Variants in ASXL3 observed in about 807,000 individuals in gnomAD.
ASXL3 encodes putative Polycomb group protein ASXL3.
A neutral mutation model predicts 170.6 loss-of-function variants in ASXL3; 34 were observed. That is an observed-to-expected ratio of 0.20 (90% confidence interval 0.15 to 0.27). The LOEUF is 0.27. ASXL3 is among the 10% of genes least tolerant of loss of function. The pLI is 1.00. For missense variants in ASXL3, 2,592 were observed against 2,695.3 expected, an observed-to-expected ratio of 0.96 and a Z score of 0.85; for synonymous variants, 1,002 against 989.1, an observed-to-expected ratio of 1.01 and a Z score of -0.24.
At chr18:33,665,810 G>A (rs1257573098) in intron 5 of ASXL3, among the ~76,000 whole-genome samples, 1 of 152,110 alleles carries the variant, frequency 6.6e-6, no homozygotes, top group East Asian at 1.9e-4. Flanking sequence ...CTGGAGAAAA[G>A]CATGCACAGT....
In ASXL3 at chr18:33,746,460, C is replaced by T. The variant is rs746084182; in HGVS notation, c.6612C>T (p.Ser2204=). 6.2e-7 allele frequency: 1 copy of T among 1,614,052 alleles called. No homozygotes were observed. The highest frequency in any genetic ancestry group is 2.2e-5 in the East Asian group (1 of 44,868). ...CCGTTCAGAACTTTGCCGACAGCAG[C>T]AATGCAGATGAATTGGAACTGAAAT... ...QMPVQNFADS[S]NADELELKCS... is the part of the protein sequence containing the mutation. Residue 2204 remains serine (S), a synonymous_variant, in exon 12 of 12, where the codon AGC becomes AGT. Coordinates refer to ENST00000269197, the MANE Select transcript of ASXL3 (RefSeq NM_030632.3).
At chr18:33,712,991 G>A (rs965482685) in intron 8 of ASXL3, among the ~76,000 whole-genome samples, 5 of 151,942 alleles carry the variant, frequency 3.3e-5, no homozygotes, top group Admixed American at 1.3e-4. Context: ...GCTCATCCAC[G>A]TTCTAGCTAA....
At chr18:33,654,263 A>G (rs1241411442) in intron 4 of ASXL3, among the ~76,000 whole-genome samples, 1 of 152,062 alleles carries the variant, frequency 6.6e-6, no homozygotes, top group Non-Finnish European at 1.5e-5. Flanking sequence ...CTACTTCTCA[A>G]AAACAGAATT....
intron 5 of ASXL3, 93 bp downstream of exon 5, chr18:33,661,830 C>G: frequency 7.5e-7 from 1 of 1,326,510 alleles, no homozygotes; most frequent in East Asian, 2.6e-5. Context: ...ACCTAGCAAT[C>G]AGAAAGCAGA....
At chr18:33,609,945 A>G (rs1379798496) in intron 2 of ASXL3, among the ~76,000 whole-genome samples, 1 of 151,842 alleles carries the variant, frequency 6.6e-6, no homozygotes, top group African/African-American at 2.4e-5. Context: ...GTCAATGGTA[A>G]TCCATTACTT....
chr18:33,732,054 A>G lies in ASXL3; in HGVS notation c.966A>G (p.Arg322=), dbSNP rs760311379. The part of the protein sequence containing the change: ...FAYAAQGWKQ[R]LAEGEFTPEM... ...ATGCAGCACAAGGGTGGAAACAGCG[A>G]CTGGCAGAAGGTAAATTTGTATTTT... The change falls in exon 9 of 12, where the codon CGA becomes CGG. Residue 322 remains arginine (R), a synonymous_variant. Transcript: ENST00000269197. 18 of 1,612,842 alleles carry G rather than the reference A, an allele frequency of 1.1e-5. No homozygotes were observed. The South Asian group carries it at 1.8e-4, about 16-fold the overall frequency.
intron 1 of ASXL3, among the ~76,000 whole-genome samples, chr18:33,585,321 G>T (rs1035642835): frequency 3.2e-4 from 49 of 152,144 alleles, no homozygotes; most frequent in African/African-American, 1.0e-3. Context: ...ACAGTTGGTA[G>T]CTGCCAAAAT....
At chr18:33,675,379 T>G (rs950205855) in intron 7 of ASXL3, among the ~76,000 whole-genome samples, 1 of 152,162 alleles carries the variant, frequency 6.6e-6, no homozygotes, top group Admixed American at 6.5e-5. Context: ...GAGTTAGACA[T>G]CTAATTCATA....
At chr18:33,625,636 C>A (rs2065591135) in intron 2 of ASXL3, 1 of 152,074 alleles carries the variant, frequency 6.6e-6, no homozygotes, top group South Asian at 2.1e-4. Context: ...AGGTCCAAAT[C>A]TATCTAAAAG....
At chr18:33,654,696 T>C (rs1271257738) in intron 4 of ASXL3, among the ~76,000 whole-genome samples, 3 of 88,686 alleles carry the variant, frequency 3.4e-5, no homozygotes, top group Non-Finnish European at 7.5e-5. Context: ...CAGTATAAAA[T>C]AAATAAGCCT....
intron 4 of ASXL3, among the ~76,000 whole-genome samples, chr18:33,648,817 A>G (rs2065954202): frequency 6.6e-6 from 1 of 152,134 alleles, no homozygotes; most frequent in Non-Finnish European, 1.5e-5. Flanking sequence ...CCTGGAAACC[A>G]TATGAAGAAA....
intron 8 of ASXL3, 187 bp downstream of exon 8, chr18:33,683,755 C>A: frequency 3.7e-6 from 2 of 546,034 alleles, no homozygotes; most frequent in Non-Finnish European, 5.8e-6. Flanking sequence ...AATAGTGAGC[C>A]AATTCAAATT....
chr18:33,718,281 C>T (rs1375237167), intron 8 of ASXL3, among the ~76,000 whole-genome samples: 3 of 152,058 alleles, frequency 2.0e-5, no homozygotes, highest in African/African-American at 7.2e-5. Flanking sequence ...GACCCATATC[C>T]CATACACTCA....
At chr18:33,689,271 G>A (rs1335479963) in intron 8 of ASXL3, among the ~76,000 whole-genome samples, 2 of 152,200 alleles carry the variant, frequency 1.3e-5, no homozygotes, top group Non-Finnish European at 2.9e-5. Context: ...TGGGATTACA[G>A]GCATTAGCCA....
chr18:33,596,220 C>T (rs1568268289), intron 1 of ASXL3, among the ~76,000 whole-genome samples: 1 of 152,176 alleles, frequency 6.6e-6, no homozygotes, highest in East Asian at 1.9e-4. Context: ...AGACATATAG[C>T]TTAGTTCCTT....
At chr18:33,702,854 A>C (rs1220184438) in intron 8 of ASXL3, among the ~76,000 whole-genome samples, 1 of 152,152 alleles carries the variant, frequency 6.6e-6, no homozygotes, top group Non-Finnish European at 1.5e-5. Flanking sequence ...ATGGGGATAA[A>C]ATTATTAGGG....
rs1453397705 is a variant in ASXL3, at chr18:33,685,296, CA to C, written c.879+1729del. Among the ~76,000 whole-genome samples, 21 of 152,326 alleles carry C rather than the reference CA, an allele frequency of 1.4e-4. No homozygotes were observed. In the East Asian group the frequency reaches 3.1e-3, roughly 22 times the overall value. Reference sequence around the variant, plus strand: ...AGGAGAAGAAAAATGCAGCCGTCATCATCCTTATCCTCATTCTCCTTCACCA... The same window carrying C: ...AGGAGAAGAAAAATGCAGCCGTCATCTCCTTATCCTCATTCTCCTTCACCA... On this transcript the variant is annotated intron_variant, in intron 8 of 11. Transcript: ENST00000269197.
chr18:33,733,759 A>C (rs1460265299), intron 9 of ASXL3, among the ~76,000 whole-genome samples: 1 of 152,166 alleles, frequency 6.6e-6, no homozygotes, highest in African/African-American at 2.4e-5. Flanking sequence ...AAAGATCATA[A>C]ACATATGGAT....
intron 2 of ASXL3, among the ~76,000 whole-genome samples, chr18:33,619,851 T>G (rs1367960437): frequency 6.6e-6 from 1 of 152,124 alleles, no homozygotes; most frequent in Non-Finnish European, 1.5e-5. Flanking sequence ...ATTGTCTACC[T>G]CCACAATGTT....
Sources: gnomAD v4.1 joint callset for allele counts (sites outside exome capture counted in the v4.1 genomes callset) on GRCh38, gnomAD v4.1.1 for gene constraint, MANE v1.5 for transcripts, NCBI Gene and HGNC (gene_info 2026-07-23, HGNC 2026-07-21) for gene names.